PAPPA: variants seen among roughly 807,000 people sequenced by gnomAD.
PAPPA encodes the protein pappalysin-1.
In PAPPA, 60 loss-of-function variants were observed where a neutral mutation model predicts 164.0. The ratio of observed to expected loss-of-function variants is 0.37; its 90% CI spans 0.30 to 0.45. PAPPA has a LOEUF of 0.45. Among genes scored for constraint, PAPPA ranks in the 20% least tolerant of loss-of-function variants. The probability of loss-of-function intolerance (pLI) is 1.00; values close to 1 mark genes in which losing one functional copy is unlikely to be tolerated. For missense variants in PAPPA, 1,782 were observed against 2,087.3 expected, an observed-to-expected ratio of 0.85 and a Z score of 2.85; for synonymous variants, 875 against 814.1, an observed-to-expected ratio of 1.07 and a Z score of -1.27.
chr9:116,359,450 A>T (rs1588019480), intron 17 of PAPPA, among the ~76,000 whole-genome samples: 2 of 152,320 alleles, frequency 1.3e-5, no homozygotes, highest in East Asian at 3.9e-4. Flanking sequence ...ATTTCACCTT[A>T]GCATGAAGAA....
At chr9:116,204,681 G>T (rs1483415664) in intron 2 of PAPPA, among the ~76,000 whole-genome samples, 1 of 151,940 alleles carries the variant, frequency 6.6e-6, no homozygotes, top group Non-Finnish European at 1.5e-5. Context: ...TGCCCAAAGT[G>T]CTGGGATTAC....
At chr9:116,183,745 A>G (rs902120621) in intron 1 of PAPPA, among the ~76,000 whole-genome samples, 2 of 151,884 alleles carry the variant, frequency 1.3e-5, no homozygotes, top group Admixed American at 1.3e-4. Context: ...TCCATTGAAA[A>G]CCTTCTCTTT....
chr9:116,312,299 T>TA (rs1845729619), intron 10 of PAPPA, among the ~76,000 whole-genome samples: 1 of 150,916 alleles, frequency 6.6e-6, no homozygotes. Flanking sequence ...TTTTTTTTTT[T>TA]TTTTTTGTTA....
chr9:116,205,942 G>A (rs1405940921), intron 2 of PAPPA, among the ~76,000 whole-genome samples: 1 of 152,128 alleles, frequency 6.6e-6, no homozygotes, highest in Non-Finnish European at 1.5e-5. Context: ...CACCCACTCT[G>A]TTGCATTGCT....
chr9:116,227,410 C>T (rs2118723235), intron 5 of PAPPA, 21 bp from the exon 6 acceptor site: 3 of 1,613,606 alleles, frequency 1.9e-6, no homozygotes, highest in Middle Eastern at 3.3e-4. Flanking sequence ...GTGCATTTTC[C>T]CTCTTTCCTT....
chr9:116,396,104 A>G (rs1202204564), intron 21 of PAPPA, among the ~76,000 whole-genome samples: 1 of 152,196 alleles, frequency 6.6e-6, no homozygotes, highest in African/African-American at 2.4e-5. Context: ...ATAAGTAAGT[A>G]GCTTGTTTTA....
At chr9:116,186,521 A>T (rs1177388637) in intron 1 of PAPPA, among the ~76,000 whole-genome samples, 2 of 152,130 alleles carry the variant, frequency 1.3e-5, no homozygotes, top group Non-Finnish European at 2.9e-5. Flanking sequence ...TTAGAGAATG[A>T]AGTTCCAGCT....
chr9:116,326,855 G>C (rs1209767940), intron 10 of PAPPA, among the ~76,000 whole-genome samples: 1 of 152,052 alleles, frequency 6.6e-6, no homozygotes, highest in Non-Finnish European at 1.5e-5. Flanking sequence ...TCCATGTCTG[G>C]CTTATTTAAC....
chr9:116,236,861 C>A (rs543680902), intron 7 of PAPPA, among the ~76,000 whole-genome samples: 4 of 152,118 alleles, frequency 2.6e-5, no homozygotes, highest in Non-Finnish European at 5.9e-5. Context: ...AGTTAGGAAG[C>A]GGTGAAGGTA....
At chr9:116,372,232 C>A (rs1343611853) in intron 19 of PAPPA, among the ~76,000 whole-genome samples, 1 of 152,088 alleles carries the variant, frequency 6.6e-6, no homozygotes. Flanking sequence ...GGGACTATGG[C>A]AAACTATGGA....
chr9:116,180,437 T>A (rs535947700), intron 1 of PAPPA, among the ~76,000 whole-genome samples: 1 of 152,234 alleles, frequency 6.6e-6, no homozygotes, highest in East Asian at 1.9e-4. Flanking sequence ...CATCTCAGTT[T>A]CCTTATCTGT....
At chr9:116,273,665 T>A (rs1845163178) in intron 9 of PAPPA, among the ~76,000 whole-genome samples, 1 of 152,134 alleles carries the variant, frequency 6.6e-6, no homozygotes, top group East Asian at 1.9e-4. Context: ...TCCCAGCTAC[T>A]CTGGAGGCTG....
intron 1 of PAPPA, among the ~76,000 whole-genome samples, chr9:116,169,372 T>G (rs2118585794): frequency 7.4e-6 from 1 of 134,832 alleles, no homozygotes; most frequent in East Asian, 2.2e-4. Flanking sequence ...CAGGCTGGAG[T>G]GCAGTGGCAC....
intron 9 of PAPPA, among the ~76,000 whole-genome samples, chr9:116,280,795 A>G (rs1332067097): frequency 6.6e-6 from 1 of 152,358 alleles, no homozygotes; most frequent in East Asian, 1.9e-4. Flanking sequence ...AAACACAACT[A>G]TGCTCCTTTG....
chr9:116,394,430 A>G (rs1846935460), intron 21 of PAPPA, among the ~76,000 whole-genome samples: 1 of 152,172 alleles, frequency 6.6e-6, no homozygotes, highest in African/African-American at 2.4e-5. Flanking sequence ...ATTTTCCCAA[A>G]ATCATTCAAC....
intron 21 of PAPPA, 137 bp from the exon 22 acceptor site, chr9:116,396,372 A>G: frequency 1.4e-6 from 1 of 692,526 alleles, no homozygotes; most frequent in Admixed American, 2.3e-5. Flanking sequence ...TATCACCAGG[A>G]TAGCAAGAAG....
chr9:116,206,616 G>T (rs542205752), intron 2 of PAPPA, among the ~76,000 whole-genome samples: 2 of 152,212 alleles, frequency 1.3e-5, no homozygotes, highest in East Asian at 3.9e-4. Context: ...GATTAATAAG[G>T]CACCTCGCCT....
intron 1 of PAPPA, among the ~76,000 whole-genome samples, chr9:116,171,516 C>T (rs1221709367): frequency 3.4e-5 from 5 of 147,788 alleles, no homozygotes; most frequent in Non-Finnish European, 7.5e-5. Context: ...TCTGTCCACC[C>T]TTACAAAGCC....
chr9:116,372,649 T>G (rs1846590496), intron 19 of PAPPA, among the ~76,000 whole-genome samples: 1 of 152,112 alleles, frequency 6.6e-6, no homozygotes, highest in East Asian at 1.9e-4. Context: ...TGCATCTCCC[T>G]ATCCTCAGAA....
Sources: allele counts gnomAD v4.1 joint callset (sites outside exome capture counted in the v4.1 genomes callset), GRCh38; gene constraint gnomAD v4.1.1; transcripts MANE v1.5; gene names NCBI Gene and HGNC (gene_info 2026-07-23, HGNC 2026-07-21).